Variants in DDX21 observed in about 807,000 individuals in gnomAD.
The protein encoded by DDX21 is nucleolar RNA helicase 2.
Under a neutral mutation model 90.0 loss-of-function variants are expected in DDX21, and 18 were observed. The ratio of observed to expected loss-of-function variants is 0.20; its 90% confidence interval spans 0.14 to 0.30. DDX21 has a LOEUF of 0.30. Ranked by LOEUF, DDX21 falls within the 10% of genes least tolerant of loss-of-function variation. The probability of loss-of-function intolerance (pLI) is 1.00; values close to 1 mark genes in which losing one functional copy is unlikely to be tolerated. For synonymous variants in DDX21, 294 were observed against 318.0 expected, an observed-to-expected ratio of 0.92 and a Z score of 0.80; for missense variants, 673 against 944.5, an observed-to-expected ratio of 0.71 and a Z score of 3.77.
At chr10:68,967,625 T>C (rs1842957788) in intron 6 of DDX21, among the ~76,000 whole-genome samples, 1 of 152,002 alleles carries the variant, frequency 6.6e-6, no homozygotes, top group African/African-American at 2.4e-5. Flanking sequence ...ATTACCACAA[T>C]GGGGAAAACT....
rs751146758 is a variant in DDX21 at position 68,965,412 on chromosome 10, T to C, written c.822T>C (p.Asn274=). The change falls in exon 5 of 15, where the codon AAT becomes AAC. Residue 274 remains asparagine (N), a synonymous_variant. Transcript: ENST00000354185. ...TTGCACCTACAAGAGAGTTGGCAAA[T>C]CAAGTAAGCAAAGACTTCAGTGACA... ...LVLAPTRELA[N]QVSKDFSDIT... 4 of 1,613,820 alleles carry C rather than the reference T, an allele frequency of 2.5e-6. No individual in the cohort carries two copies. In the South Asian group the frequency reaches 4.4e-5, roughly 18 times the overall value.
Position 68,982,704 on chromosome 10 carries a change from G to T in DDX21, c.2244G>T (p.Arg748=), listed in dbSNP as rs772821253. ...GAAACAGAAGATTCAGAGGACAGCG[G>T]GAAGGCAGTAGAGGCCCGAGAGGAC... The part of the protein sequence containing the change: ...RDGNRRFRGQ[R]EGSRGPRGQR... Residue 748 remains arginine (R), a synonymous_variant, in exon 15 of 15, where the codon CGG becomes CGT. Transcript: ENST00000354185. The T allele has an allele frequency of 6.2e-7, 1 of 1,614,058 alleles. No individual in the cohort carries two copies. The highest frequency in any genetic ancestry group is 1.7e-5 in the Admixed American group (1 of 59,998).
chr10:68,969,632 G>T (rs1188725514), intron 7 of DDX21, among the ~76,000 whole-genome samples: 1 of 152,182 alleles, frequency 6.6e-6, no homozygotes, highest in Non-Finnish European at 1.5e-5. Context: ...ATTTCAGAAT[G>T]ATTTGGAACT....
intron 2 of DDX21, among the ~76,000 whole-genome samples, chr10:68,961,667 G>A (rs1842873708): frequency 6.6e-6 from 1 of 152,140 alleles, no homozygotes; most frequent in Admixed American, 6.5e-5. Flanking sequence ...CACAGTGACT[G>A]CTACCTCATA....
intron 4 of DDX21, 126 bp downstream of exon 4, chr10:68,963,595 TA>T: frequency 1.9e-5 from 13 of 690,442 alleles, no homozygotes. Context: ...TGTGGATCTT[TA>T]TGTGAAAGTA....
At position 68,956,642 on chromosome 10, in the gene DDX21, G is replaced by T. The variant is rs1002248631; in HGVS notation, c.87+330G>T. 1.1e-5 allele frequency: 13 copies of T among 1,180,156 alleles called. No homozygotes were observed. The African/African-American group carries it at 1.7e-4, about 16-fold the overall frequency. 73.1% of individuals were successfully genotyped at this position (1,180,156 alleles called of 1,614,324 possible). ...ACGTGGTCCCCGGCGACTTGGGCGC[G>T]CCTCACACAGTGCGCAGAGTTGGAC... On this transcript the variant is annotated intron_variant, in intron 1 of 14. Coordinates refer to ENST00000354185, the MANE Select transcript of DDX21 (RefSeq NM_004728.4).
intron 10 of DDX21, 147 bp downstream of exon 10, chr10:68,973,811 G>A (rs1398227218): frequency 2.9e-6 from 3 of 1,048,182 alleles, no homozygotes; most frequent in South Asian, 2.0e-5. Flanking sequence ...ATGTTGTCCT[G>A]TGATAAAAGG....
intron 2 of DDX21, among the ~76,000 whole-genome samples, chr10:68,960,580 G>A (rs920013038): frequency 6.6e-6 from 1 of 151,950 alleles, no homozygotes; most frequent in Non-Finnish European, 1.5e-5. Flanking sequence ...TCCTACCTTA[G>A]CCTCCTCAGT....
chr10:68,968,929 C>T (rs1420322650), intron 6 of DDX21, 47 bp from the exon 7 acceptor site: 2 of 1,600,474 alleles, frequency 1.2e-6, no homozygotes, highest in Non-Finnish European at 1.7e-6. Flanking sequence ...ACTATGTAGG[C>T]TTGTTTGGAT....
Position 68,974,703 on chromosome 10 carries a change from G to A in DDX21, c.1702G>A (p.Ala568Thr). The change falls in exon 11 of 15, where the codon GCA becomes ACA. Residue 568 changes from alanine (A) to threonine (T), a missense_variant. Transcript: ENST00000354185. Reference sequence around the variant, plus strand: ...GTTCAAACGAATAGGTGTTCCTTCTGCAACAGAAATAATAAAAGCTTCCAG... The same window carrying A: ...GTTCAAACGAATAGGTGTTCCTTCTACAACAGAAATAATAAAAGCTTCCAG... ...IKFKRIGVPS[A>T]TEIIKASSKD... The A allele has an allele frequency of 6.2e-7, 1 of 1,613,982 alleles. No individual in the cohort carries two copies.
chr10:68,967,582 C>T (rs940178942), intron 6 of DDX21, among the ~76,000 whole-genome samples: 5 of 151,532 alleles, frequency 3.3e-5, no homozygotes, highest in Non-Finnish European at 7.4e-5. Flanking sequence ...GGGATTAAAG[C>T]TGGTGAGGAA....
chr10:68,963,887 T>G (rs1842903766), intron 4 of DDX21, among the ~76,000 whole-genome samples: 1 of 151,644 alleles, frequency 6.6e-6, no homozygotes, highest in African/African-American at 2.4e-5. Context: ...GATCACGAGG[T>G]CAGGAGATCG....
At chr10:68,957,819 C>T (rs1353345317) in intron 1 of DDX21, among the ~76,000 whole-genome samples, 1 of 152,128 alleles carries the variant, frequency 6.6e-6, no homozygotes, top group Non-Finnish European at 1.5e-5. Context: ...CTGAAATTTC[C>T]GGGAGGCAGA....
rs764398698 is a variant in DDX21, at chr10:68,962,147, A to G, written c.597A>G (p.Lys199=). ...TTCCCATATCTGAAGAAACTATTAA[A>G]CTTCTCAAAGGTAATGTTCTTGGAA... ...SNFPISEETI[K]LLKGRGVTFL... Residue 199 remains lysine, a synonymous_variant, in exon 3 of 15, where the codon AAA becomes AAG. Transcript: ENST00000354185. The G allele has an allele frequency of 1.0e-5, 16 of 1,606,244 alleles. No individual in the cohort carries two copies. The highest frequency in any genetic ancestry group is 1.4e-5 in the Non-Finnish European group (16 of 1,174,086).
At position 68,982,499 on chromosome 10, in the gene DDX21, G is replaced by A. The variant is rs763262762; in HGVS notation, c.2083-44G>A. The stretch of plus-strand genomic sequence containing the variant: ...GTTTTTCTCATGCTTTTTAAAAATT[G>A]AATACTAATTAAAGCACACAAAAAC... On this transcript the variant is annotated intron_variant, in intron 14 of 14. Coordinates refer to ENST00000354185, the MANE Select transcript of DDX21 (RefSeq NM_004728.4). 7 of 1,557,360 alleles carry A rather than the reference G, an allele frequency of 4.5e-6. 1 individual carries two copies. The South Asian group carries it at 7.1e-5, about 16-fold the overall frequency.
chr10:68,961,813 C>A (rs144204443), intron 2 of DDX21, among the ~76,000 whole-genome samples: 54 of 152,184 alleles, frequency 3.5e-4, no homozygotes, highest in African/African-American at 1.3e-3. Context: ...CACACATAAT[C>A]TTAGTTGAGA....
At chr10:68,966,721 G>A (rs1165172203) in intron 5 of DDX21, among the ~76,000 whole-genome samples, 2 of 152,106 alleles carry the variant, frequency 1.3e-5, no homozygotes, top group Non-Finnish European at 2.9e-5. Flanking sequence ...GATTACAGGC[G>A]TGACCCACCA....
intron 5 of DDX21, among the ~76,000 whole-genome samples, chr10:68,965,707 A>G (rs933127329): frequency 6.6e-6 from 1 of 152,170 alleles, no homozygotes; most frequent in Non-Finnish European, 1.5e-5. Flanking sequence ...ATCTATTTAT[A>G]TTTATCTAGG....
chr10:68,979,967 C>T (rs1366531694), intron 13 of DDX21, among the ~76,000 whole-genome samples: 3 of 152,226 alleles, frequency 2.0e-5, no homozygotes, highest in East Asian at 3.9e-4. Context: ...TCGGCTGGGC[C>T]CCGTGGCTCA....
Sources: gnomAD v4.1 joint callset for allele counts (sites outside exome capture counted in the v4.1 genomes callset) on GRCh38, gnomAD v4.1.1 for gene constraint, MANE v1.5 for transcripts, NCBI Gene and HGNC (gene_info 2026-07-23, HGNC 2026-07-21) for gene names.